PTPRT: variants seen among roughly 807,000 people sequenced by gnomAD.
PTPRT encodes protein tyrosine phosphatase receptor type T, also known as receptor-type tyrosine-protein phosphatase T.
Under a neutral mutation model 176.8 loss-of-function variants are expected in PTPRT, and 56 were observed. The observed-to-expected ratio is 0.32, with a 90% CI of 0.26 to 0.40. The LOEUF (loss-of-function observed/expected upper bound fraction) is 0.40, where lower values mean the gene tolerates loss of function less well. Ranked by LOEUF, PTPRT falls within the 10% of genes least tolerant of loss-of-function variation. The pLI is 1.00. For missense variants in PTPRT, 1,540 were observed against 1,908.2 expected, an observed-to-expected ratio of 0.81 and a Z score of 3.60; for synonymous variants, 783 against 739.0, an observed-to-expected ratio of 1.06 and a Z score of -0.96.
At chr20:42,651,872 C>A (rs1354016683) in intron 7 of PTPRT, among the ~76,000 whole-genome samples, 6 of 151,922 alleles carry the variant, frequency 3.9e-5, no homozygotes, top group Non-Finnish European at 7.4e-5. Context: ...AATGGTAAAA[C>A]CCCATCTTTA....
At chr20:42,886,852 A>C (rs1249043714) in intron 1 of PTPRT, among the ~76,000 whole-genome samples, 2 of 152,170 alleles carry the variant, frequency 1.3e-5, no homozygotes, top group Non-Finnish European at 2.9e-5. Flanking sequence ...GCAGAAGTGG[A>C]GGAGAAGTGA....
At chr20:42,397,819 C>G (rs544721492) in intron 9 of PTPRT, among the ~76,000 whole-genome samples, 1 of 152,256 alleles carries the variant, frequency 6.6e-6, no homozygotes, top group African/African-American at 2.4e-5. Flanking sequence ...AGTGGGATTG[C>G]TGGGTCAAAT....
intron 9 of PTPRT, among the ~76,000 whole-genome samples, chr20:42,399,317 G>A (rs912272787): frequency 1.3e-5 from 2 of 152,298 alleles, no homozygotes; most frequent in Admixed American, 6.5e-5. Context: ...TATCACAAAG[G>A]TCATCCTTCG....
chr20:42,592,176 C>T (rs1423505573), intron 7 of PTPRT, among the ~76,000 whole-genome samples: 2 of 151,342 alleles, frequency 1.3e-5, no homozygotes, highest in East Asian at 1.9e-4. Context: ...CGGGTTTCAC[C>T]GTGTTAGCCA....
chr20:42,106,959 G>A (rs1423156061), intron 23 of PTPRT, 38 bp from the exon 24 acceptor site: 4 of 1,602,728 alleles, frequency 2.5e-6, no homozygotes, highest in Non-Finnish European at 2.6e-6. Context: ...GGATCTTCAT[G>A]GGGGGAACCT....
chr20:42,442,899 C>T (rs568025237), intron 9 of PTPRT, among the ~76,000 whole-genome samples: 261 of 152,260 alleles, frequency 1.7e-3, no homozygotes, highest in Non-Finnish European at 2.5e-3. Context: ...GCAATTGCGA[C>T]GGTCTGTGTT....
chr20:42,952,452 A>C (rs1214784323), intron 1 of PTPRT, among the ~76,000 whole-genome samples: 1 of 152,244 alleles, frequency 6.6e-6, no homozygotes, highest in Non-Finnish European at 1.5e-5. Flanking sequence ...GGGACACTGG[A>C]ACAGCTAGGC....
chr20:42,378,867 C>T (rs569826456), intron 9 of PTPRT, among the ~76,000 whole-genome samples: 39 of 152,290 alleles, frequency 2.6e-4, no homozygotes, highest in South Asian at 6.2e-4. Context: ...TAAAATAGTT[C>T]TGACATGTAG....
chr20:42,109,157 A>AAAT (rs904917407), intron 23 of PTPRT, among the ~76,000 whole-genome samples: 10 of 152,150 alleles, frequency 6.6e-5, no homozygotes, highest in African/African-American at 2.4e-4. Context: ...GAAGATAAAT[A>AAAT]AATGGATGCT....
At chr20:42,411,439 C>T (rs753296694) in intron 9 of PTPRT, among the ~76,000 whole-genome samples, 9 of 148,020 alleles carry the variant, frequency 6.1e-5, no homozygotes, top group African/African-American at 1.2e-4. Flanking sequence ...ATCACTTGAA[C>T]CAGGGAGGCA....
At chr20:42,088,449 C>T (rs918104027) in intron 27 of PTPRT, among the ~76,000 whole-genome samples, 3 of 152,226 alleles carry the variant, frequency 2.0e-5, no homozygotes, top group African/African-American at 4.8e-5. Flanking sequence ...CCTTCATTCT[C>T]TCCTTCCTCC....
the PTPRT span, among the ~76,000 whole-genome samples, chr20:42,031,936 C>A: frequency 6.6e-6 from 1 of 152,230 alleles, no homozygotes; most frequent in Non-Finnish European, 1.5e-5. Context: ...TAAATCTTCG[C>A]AACACTGTGA....
At chr20:43,165,847 A>T (rs1308263436) in intron 1 of PTPRT, among the ~76,000 whole-genome samples, 3 of 152,164 alleles carry the variant, frequency 2.0e-5, no homozygotes, top group African/African-American at 4.8e-5. Flanking sequence ...CAGGGAATGG[A>T]ACACTATCCT....
intron 7 of PTPRT, among the ~76,000 whole-genome samples, chr20:42,635,793 T>C (rs1416271802): frequency 1.3e-5 from 2 of 152,116 alleles, no homozygotes; most frequent in African/African-American, 2.4e-5. Context: ...CTAGGTCTAG[T>C]TGGTAGAACG....
intron 1 of PTPRT, among the ~76,000 whole-genome samples, chr20:42,923,431 G>A (rs1486851778): frequency 6.6e-6 from 1 of 152,202 alleles, no homozygotes; most frequent in Non-Finnish European, 1.5e-5. Context: ...AAATGTGCAA[G>A]ACCTCGCAGA....
rs1189063196 is a variant in PTPRT, at chr20:42,616,185, T to G, written c.1153+61681A>C. Among the ~76,000 whole-genome samples the G allele has an allele frequency of 1.5e-3, 188 of 124,462 alleles. 3 individuals are homozygous for G. The highest frequency in any genetic ancestry group is 0.01 in the East Asian group (52 of 4,982). The allele number at this position is 124,462 out of a possible 152,430, so 81.7% of individuals were successfully genotyped here. A position where few individuals can be genotyped will look rare whatever the true frequency, so the allele number is the denominator to read the frequency against. On this transcript the variant is annotated intron_variant, in intron 7 of 30. Coordinates refer to ENST00000373187, the MANE Select transcript of PTPRT (RefSeq NM_007050.6). The stretch of plus-strand genomic sequence containing the variant: ...AGCCAGTTTTCCCAGCACCATTTAT[T>G]AAATAGGGAATCCTTTCCCCATTGC...
At chr20:42,486,501 C>G (rs1601112026) in intron 7 of PTPRT, among the ~76,000 whole-genome samples, 1 of 152,286 alleles carries the variant, frequency 6.6e-6, no homozygotes, top group East Asian at 1.9e-4. Context: ...TTTACCCTTC[C>G]TGGCCCCAGA....
intron 1 of PTPRT, among the ~76,000 whole-genome samples, chr20:43,177,946 G>C (rs553041221): frequency 2.0e-5 from 3 of 152,262 alleles, no homozygotes; most frequent in Non-Finnish European, 4.4e-5. Context: ...TTTCCTACTT[G>C]GAACAGGGAT....
chr20:42,127,855 G>A (rs921111173), intron 19 of PTPRT, among the ~76,000 whole-genome samples: 2 of 152,196 alleles, frequency 1.3e-5, no homozygotes, highest in African/African-American at 4.8e-5. Context: ...CTTATTGGTT[G>A]TAGTTGTCTT....
Sources: allele counts gnomAD v4.1 joint callset (sites outside exome capture counted in the v4.1 genomes callset), GRCh38; gene constraint gnomAD v4.1.1; transcripts MANE v1.5; gene names NCBI Gene and HGNC (gene_info 2026-07-23, HGNC 2026-07-21).